The following CHD1L variants were observed in gnomAD, a reference collection of about 807,000 sequenced individuals.
CHD1L encodes the protein chromodomain helicase DNA binding protein 1 like.
A neutral mutation model predicts 115.9 loss-of-function variants in CHD1L; 118 were observed. The observed-to-expected ratio is 1.02, with a 90% CI of 0.88 to 1.19. The LOEUF (loss-of-function observed/expected upper bound fraction) is 1.19. CHD1L is among the 50% of genes most tolerant of loss of function. CHD1L has a pLI of 0.00. For synonymous variants in CHD1L, 411 were observed against 387.1 expected, an observed-to-expected ratio of 1.06 and a Z score of -0.72; for missense variants, 1,179 against 1,065.3, an observed-to-expected ratio of 1.11 and a Z score of -1.49.
At chr1:147,268,659 C>A in intron 9 of CHD1L, 123 bp from the exon 10 acceptor site, 1 of 679,258 alleles carries the variant, frequency 1.5e-6, no homozygotes, top group Non-Finnish European at 2.6e-6. Flanking sequence ...TTAAGCAGGA[C>A]TGAGATCATC....
At chr1:147,244,505 C>G (rs180854725) in intron 1 of CHD1L, among the ~76,000 whole-genome samples, 1 of 151,690 alleles carries the variant, frequency 6.6e-6, no homozygotes, top group Non-Finnish European at 1.5e-5. Flanking sequence ...CGTTTGGTTA[C>G]AGAAGTAGTA....
At chr1:147,283,618 T>C (rs1021842524) in intron 15 of CHD1L, among the ~76,000 whole-genome samples, 5 of 152,190 alleles carry the variant, frequency 3.3e-5, no homozygotes, top group Non-Finnish European at 7.4e-5. Context: ...GAAAGTGATC[T>C]GACAGCATGA....
At chr1:147,278,541 A>G (rs61839214) in intron 14 of CHD1L, among the ~76,000 whole-genome samples, 1 of 147,478 alleles carries the variant, frequency 6.8e-6, no homozygotes, top group Non-Finnish European at 1.5e-5. Context: ...TTTTTTTTAA[A>G]TACCAAGAAA....
the CHD1L span, among the ~76,000 whole-genome samples, chr1:147,197,731 A>G: frequency 6.6e-6 from 1 of 152,274 alleles, no homozygotes; most frequent in East Asian, 1.9e-4. Context: ...TTTCCTTTAG[A>G]AACTACTCAG....
intron 20 of CHD1L, among the ~76,000 whole-genome samples, chr1:147,293,313 T>C (rs1318913722): frequency 9.6e-6 from 1 of 103,798 alleles, no homozygotes; most frequent in African/African-American, 2.6e-5. Flanking sequence ...AAATTCTCTT[T>C]TTTTTTTTAA....
At chr1:147,176,009 G>A in the CHD1L span, 2 of 150,976 alleles carry the variant, frequency 1.3e-5, no homozygotes, top group African/African-American at 4.9e-5. Context: ...TTGAAGGGGA[G>A]GTATGGAACA....
intron 12 of CHD1L, among the ~76,000 whole-genome samples, chr1:147,274,316 C>T (rs1408776146): frequency 6.6e-6 from 1 of 152,150 alleles, no homozygotes; most frequent in Non-Finnish European, 1.5e-5. Flanking sequence ...GCGTAAGTGT[C>T]ATTATCATTA....
At chr1:147,210,942 G>A in the CHD1L span, 9 of 152,000 alleles carry the variant, frequency 5.9e-5, no homozygotes, top group Non-Finnish European at 8.8e-5. Context: ...AGAATTATAC[G>A]AAAAACTTCC....
upstream of CHD1L, among the ~76,000 whole-genome samples, chr1:147,240,602 A>C (rs587625596): frequency 5.1e-4 from 77 of 151,862 alleles, no homozygotes; most frequent in African/African-American, 1.8e-3. Context: ...TCTCCTGCTC[A>C]TCCCTGGGCA....
chr1:147,270,074 T>G (rs1553951710), intron 10 of CHD1L, among the ~76,000 whole-genome samples: 2 of 152,208 alleles, frequency 1.3e-5, no homozygotes, highest in Admixed American at 1.3e-4. Flanking sequence ...GAAATGAGAT[T>G]AGAATTGAGG....
rs1553970573 is a variant in CHD1L, at chr1:147,291,569, T to C, written c.2391+17T>C. 1 of 1,603,230 alleles carries C rather than the reference T, an allele frequency of 6.2e-7. No homozygotes were observed. The highest frequency in any genetic ancestry group is 1.1e-5 in the South Asian group (1 of 90,862). On this transcript the variant is annotated intron_variant, in intron 20 of 22. Coordinates refer to ENST00000369258, the MANE Select transcript of CHD1L (RefSeq NM_004284.6). ...CAAGATTTGGTAAGTAAAACCCATC[T>C]CTTCTCAGAACTACAAGTGGACTCA... is the stretch of plus-strand genomic sequence containing the variant.
chr1:147,203,552 CAG>C, the CHD1L span: 1 of 961,094 alleles, frequency 1.0e-6, no homozygotes, highest in Non-Finnish European at 1.7e-6. Flanking sequence ...GCCTTAACTC[CAG>C]AGTTTTCTCC....
At chr1:147,206,186 T>C in the CHD1L span, among the ~76,000 whole-genome samples, 1 of 150,422 alleles carries the variant, frequency 6.6e-6, no homozygotes, top group Non-Finnish European at 1.5e-5. Flanking sequence ...TCACTGGCCA[T>C]CAGAGAAATG....
chr1:147,178,780 A>G, the CHD1L span: 93 of 1,604,162 alleles, frequency 5.8e-5, no homozygotes, highest in Non-Finnish European at 7.7e-5. Flanking sequence ...TGTGGCATAT[A>G]CAGTGCAAAA....
intron 5 of CHD1L, among the ~76,000 whole-genome samples, chr1:147,257,177 A>G (rs1025525059): frequency 8.6e-5 from 13 of 151,966 alleles, no homozygotes; most frequent in African/African-American, 2.9e-4. Context: ...GGTAAGAAAG[A>G]TATGTTGACA....
chr1:147,253,180 T>G (rs1668966195), intron 2 of CHD1L, among the ~76,000 whole-genome samples: 2 of 152,196 alleles, frequency 1.3e-5, no homozygotes, highest in Admixed American at 1.3e-4. Context: ...CTCTTCCATT[T>G]TCTGGAAGAG....
At chr1:147,249,811 C>T (rs587600549) in intron 1 of CHD1L, among the ~76,000 whole-genome samples, 1 of 152,260 alleles carries the variant, frequency 6.6e-6, no homozygotes, top group African/African-American at 2.4e-5. Context: ...TCAGCCCTAT[C>T]CTCCTTCACC....
At chr1:147,281,603 A>G (rs1187863713) in intron 15 of CHD1L, among the ~76,000 whole-genome samples, 1 of 152,090 alleles carries the variant, frequency 6.6e-6, no homozygotes, top group Non-Finnish European at 1.5e-5. Flanking sequence ...TCTTGTTTGT[A>G]TTCTTCAAGA....
intron 17 of CHD1L, 60 bp downstream of exon 17, chr1:147,285,547 G>C: frequency 2.1e-6 from 3 of 1,452,908 alleles, no homozygotes; most frequent in South Asian, 1.4e-5. Context: ...TGTATAGTGA[G>C]ACCACAGTTG....
Sources: gnomAD v4.1 joint callset for allele counts (sites outside exome capture counted in the v4.1 genomes callset) on GRCh38, gnomAD v4.1.1 for gene constraint, MANE v1.5 for transcripts, NCBI Gene and HGNC (gene_info 2026-07-23, HGNC 2026-07-21) for gene names.